Variants in SGCD observed in about 807,000 individuals in gnomAD.
SGCD encodes the protein sarcoglycan delta.
Under a neutral mutation model 36.6 loss-of-function variants are expected in SGCD, and 18 were observed. The ratio of observed to expected loss-of-function variants is 0.49; its 90% CI spans 0.34 to 0.73. SGCD has a LOEUF of 0.73. Among genes scored for constraint, SGCD ranks in the 30% least tolerant of loss-of-function variants. SGCD has a pLI of 0.01. For missense variants in SGCD, 387 were observed against 346.7 expected, an observed-to-expected ratio of 1.12 and a Z score of -0.92; for synonymous variants, 133 against 130.6, an observed-to-expected ratio of 1.02 and a Z score of -0.12.
chr5:156,580,676 TCTA>T (rs1760216036), intron 4 of SGCD, among the ~76,000 whole-genome samples: 1 of 152,228 alleles, frequency 6.6e-6, no homozygotes, highest in South Asian at 2.1e-4. Context: ...AACCTTTTCT[TCTA>T]CTTGATTGAA....
intron 1 of SGCD, 42 bp from the exon 2 acceptor site, chr5:156,329,492 G>A (rs938833733): frequency 1.5e-6 from 2 of 1,365,652 alleles, no homozygotes; most frequent in African/African-American, 2.9e-5. Flanking sequence ...GAGGGGGCAG[G>A]CTCTTCAGAC....
intron 4 of SGCD, among the ~76,000 whole-genome samples, chr5:156,547,673 A>C (rs1215338602): frequency 6.6e-6 from 1 of 152,038 alleles, no homozygotes; most frequent in Non-Finnish European, 1.5e-5. Context: ...CAATCTCCTG[A>C]CCTGGTGATC....
At chr5:155,889,296 T>C (rs1756072991) in intron 1 of SGCD, among the ~76,000 whole-genome samples, 1 of 152,216 alleles carries the variant, frequency 6.6e-6, no homozygotes, top group African/African-American at 2.4e-5. Context: ...TGATTTTTTT[T>C]CTCATTTATA....
intron 7 of SGCD, among the ~76,000 whole-genome samples, chr5:156,733,385 CTG>C (rs1283246552): frequency 2.6e-5 from 4 of 151,768 alleles, no homozygotes; most frequent in Admixed American, 1.3e-4. Context: ...GTTTGAGAGA[CTG>C]TTATTATTTC....
At position 156,750,367 on chromosome 5, in the gene SGCD, T is replaced by C. The variant is rs368330062; in HGVS notation, c.576-7214T>C. Among the ~76,000 whole-genome samples the C allele has an allele frequency of 1.1e-4, 17 of 152,176 alleles. No individual in the cohort carries two copies. In the East Asian group the frequency reaches 1.4e-3, roughly 12 times the overall value. On this transcript the variant is annotated intron_variant, in intron 7 of 8. Transcript: ENST00000337851. ...CTGTATTGTATGGTTCTAGACAGTA[T>C]AGTAAAAAAAGAAAAAGAATTAGTA...
At chr5:156,646,521 TC>T (rs1337990919) in intron 6 of SGCD, among the ~76,000 whole-genome samples, 1 of 152,196 alleles carries the variant, frequency 6.6e-6, no homozygotes, top group African/African-American at 2.4e-5. Context: ...AAAAGCATGT[TC>T]TTTGTTGAAT....
chr5:156,076,507 G>A (rs1465964919), intron 1 of SGCD, among the ~76,000 whole-genome samples: 1 of 152,174 alleles, frequency 6.6e-6, no homozygotes, highest in African/African-American at 2.4e-5. Context: ...GGATTGAAGT[G>A]AGGAAAACAG....
intron 3 of SGCD, among the ~76,000 whole-genome samples, chr5:156,433,130 T>C (rs1328184165): frequency 1.3e-5 from 2 of 152,174 alleles, no homozygotes. Flanking sequence ...AATATAAAGT[T>C]AGGTTAATTT....
chr5:156,274,487 T>A (rs1026613598), intron 3 of SGCD, among the ~76,000 whole-genome samples: 21 of 152,132 alleles, frequency 1.4e-4, no homozygotes, highest in African/African-American at 5.1e-4. Context: ...TTTTAGGGCT[T>A]TTATTAACTT....
At chr5:156,201,933 G>A (rs773146327) in intron 3 of SGCD, among the ~76,000 whole-genome samples, 19 of 152,122 alleles carry the variant, frequency 1.2e-4, no homozygotes, top group Non-Finnish European at 2.4e-4. Flanking sequence ...GAGGCCACAG[G>A]AGAGCAGCCA....
chr5:156,049,287 A>G (rs1411311924), intron 1 of SGCD, among the ~76,000 whole-genome samples: 1 of 146,068 alleles, frequency 6.8e-6, no homozygotes, highest in African/African-American at 2.5e-5. Context: ...CTTTTGGCTT[A>G]GGATTGACTT....
At chr5:156,317,642 AT>A (rs1767553083) in intron 3 of SGCD, among the ~76,000 whole-genome samples, 1 of 152,162 alleles carries the variant, frequency 6.6e-6, no homozygotes, top group Non-Finnish European at 1.5e-5. Flanking sequence ...AACCCCAAAT[AT>A]AGTTTTTCAG....
chr5:156,677,759 A>G (rs571458597), intron 7 of SGCD, among the ~76,000 whole-genome samples: 1 of 152,120 alleles, frequency 6.6e-6, no homozygotes, highest in African/African-American at 2.4e-5. Context: ...TTCTTGCTAA[A>G]CCCTACCACT....
intron 6 of SGCD, among the ~76,000 whole-genome samples, chr5:156,605,986 T>G (rs1761427551): frequency 6.6e-6 from 1 of 152,202 alleles, no homozygotes; most frequent in South Asian, 2.1e-4. Context: ...TTTCACCCAT[T>G]CTGTGGGTTG....
chr5:156,477,454 C>A (rs1187837871), intron 3 of SGCD, among the ~76,000 whole-genome samples: 1 of 152,114 alleles, frequency 6.6e-6, no homozygotes, highest in Non-Finnish European at 1.5e-5. Flanking sequence ...ATTTGAGTCA[C>A]AAACAATCTC....
intron 6 of SGCD, among the ~76,000 whole-genome samples, chr5:156,609,750 A>G (rs573099728): frequency 1.7e-4 from 26 of 152,232 alleles, no homozygotes; most frequent in African/African-American, 5.5e-4. Flanking sequence ...GTTTCTTTTT[A>G]TACTTTTTTC....
chr5:156,022,092 C>G (rs1005161513), intron 1 of SGCD, among the ~76,000 whole-genome samples: 1 of 152,124 alleles, frequency 6.6e-6, no homozygotes, highest in African/African-American at 2.4e-5. Flanking sequence ...ACAGATTTGC[C>G]TATTTTGAAC....
chr5:156,218,533 C>T (rs1356575963), intron 3 of SGCD, among the ~76,000 whole-genome samples: 1 of 152,120 alleles, frequency 6.6e-6, no homozygotes, highest in South Asian at 2.1e-4. Flanking sequence ...ACTTAATCAC[C>T]TTCAGTTACC....
intron 7 of SGCD, among the ~76,000 whole-genome samples, chr5:156,724,324 C>T (rs184741089): frequency 2.1e-4 from 32 of 152,206 alleles, no homozygotes; most frequent in African/African-American, 7.5e-4. Context: ...TAACTAGATA[C>T]CCGGGCGTGG....
Sources: allele counts gnomAD v4.1 joint callset (sites outside exome capture counted in the v4.1 genomes callset), GRCh38; gene constraint gnomAD v4.1.1; transcripts MANE v1.5; gene names NCBI Gene and HGNC (gene_info 2026-07-23, HGNC 2026-07-21).